ZBBX: variants seen among roughly 807,000 people sequenced by gnomAD.
The protein encoded by ZBBX is zinc finger B-box domain containing, also known as zinc finger B-box domain-containing protein 1.
A neutral mutation model predicts 108.5 loss-of-function variants in ZBBX; 101 were observed. The ratio of observed to expected loss-of-function variants is 0.93; its 90% CI spans 0.79 to 1.10. ZBBX has a LOEUF of 1.10. Ranked by LOEUF, ZBBX falls within the 50% of genes least tolerant of loss-of-function variation. The probability of loss-of-function intolerance (pLI) is 0.00; values close to 1 mark genes in which losing one functional copy is unlikely to be tolerated. For missense variants in ZBBX, 1,009 were observed against 941.4 expected, an observed-to-expected ratio of 1.07 and a Z score of -0.94; for synonymous variants, 356 against 323.4, an observed-to-expected ratio of 1.10 and a Z score of -1.08.
At chr3:167,243,445 C>T (rs1576754554) in intron 20 of ZBBX, among the ~76,000 whole-genome samples, 1 of 151,742 alleles carries the variant, frequency 6.6e-6, no homozygotes, top group East Asian at 1.9e-4. Flanking sequence ...GTTGCCTGGG[C>T]TGGAGTGCAA....
At chr3:167,228,673 G>A in the ZBBX span, among the ~76,000 whole-genome samples, 1 of 151,766 alleles carries the variant, frequency 6.6e-6, no homozygotes, top group Admixed American at 6.6e-5. Flanking sequence ...GTATTTATCT[G>A]TGTTGAATTC....
At chr3:167,224,310 T>C in the ZBBX span, among the ~76,000 whole-genome samples, 1 of 152,004 alleles carries the variant, frequency 6.6e-6, no homozygotes, top group Non-Finnish European at 1.5e-5. Flanking sequence ...ATAAACATGA[T>C]ATATATCATT....
At chr3:167,335,924 A>C (rs1232162448) in intron 9 of ZBBX, among the ~76,000 whole-genome samples, 2 of 151,954 alleles carry the variant, frequency 1.3e-5, no homozygotes, top group African/African-American at 4.8e-5. Flanking sequence ...AAAGAAATTC[A>C]AGTCAATGGT....
chr3:167,390,857 G>T (rs1212443625), intron 1 of ZBBX, among the ~76,000 whole-genome samples: 3 of 152,140 alleles, frequency 2.0e-5, no homozygotes, highest in Admixed American at 2.0e-4. Flanking sequence ...CTTTGCTGAA[G>T]TTGCTTATCA....
the ZBBX span, among the ~76,000 whole-genome samples, chr3:167,230,948 C>T: frequency 1.1e-4 from 17 of 151,602 alleles, no homozygotes; most frequent in African/African-American, 3.4e-4. Flanking sequence ...GTCAATATTT[C>T]GCATGTATTT....
the ZBBX span, among the ~76,000 whole-genome samples, chr3:167,223,838 T>C: frequency 6.6e-6 from 1 of 151,984 alleles, no homozygotes; most frequent in Non-Finnish European, 1.5e-5. Flanking sequence ...GATTCAATTT[T>C]TATGTCCTTA....
intron 20 of ZBBX, among the ~76,000 whole-genome samples, chr3:167,263,336 T>C (rs890295844): frequency 5.3e-5 from 8 of 152,192 alleles, no homozygotes; most frequent in African/African-American, 9.7e-5. Flanking sequence ...AGTTATTTTG[T>C]TTTTGTTTTT....
chr3:167,284,788 A>G (rs1576891124), intron 19 of ZBBX, among the ~76,000 whole-genome samples: 1 of 152,238 alleles, frequency 6.6e-6, no homozygotes, highest in South Asian at 2.1e-4. Context: ...AGAAACAGAC[A>G]GAAGAGGCCC....
the ZBBX span, among the ~76,000 whole-genome samples, chr3:167,187,634 T>C: frequency 1.3e-5 from 2 of 152,340 alleles, no homozygotes; most frequent in South Asian, 2.1e-4. Flanking sequence ...TTTGGAACAT[T>C]AGCTGTAAGT....
At chr3:167,331,178 A>AGGTATTTTGTTAT (rs1193583325) in intron 10 of ZBBX, among the ~76,000 whole-genome samples, 2 of 54,610 alleles carry the variant, frequency 3.7e-5, no homozygotes, top group African/African-American at 9.3e-5. Context: ...TGGCAGCCTG[A>AGGTATTTTGTTAT]GAAGGCTAAT....
rs531423950 is a variant in ZBBX at position 167,400,053 on chromosome 3, G to A, written c.-446+7673C>T. Among the ~76,000 whole-genome samples, 9 of 152,230 alleles carry A rather than the reference G, an allele frequency of 5.9e-5. No individual in the cohort carries two copies. The South Asian group carries it at 6.2e-4, about 11-fold the overall frequency. On this transcript the variant is annotated intron_variant, in intron 1 of 21. Transcript: ENST00000455345. ...GGAAATGATTTCATTCTTTATGGCCGCATAGTATTCCGTAGTGTATATGTA... is the reference window on the plus strand; with the variant it reads ...GGAAATGATTTCATTCTTTATGGCCACATAGTATTCCGTAGTGTATATGTA...
chr3:167,402,958 C>T (rs1461320506), intron 1 of ZBBX, among the ~76,000 whole-genome samples: 1 of 152,020 alleles, frequency 6.6e-6, no homozygotes, highest in African/African-American at 2.4e-5. Flanking sequence ...TTAAATCAAG[C>T]AGTCAAATAT....
At chr3:167,267,975 C>A (rs1725858766) in intron 20 of ZBBX, among the ~76,000 whole-genome samples, 1 of 151,952 alleles carries the variant, frequency 6.6e-6, no homozygotes, top group Admixed American at 6.6e-5. Context: ...AATCCTGATT[C>A]TTGGGAATCA....
intron 9 of ZBBX, among the ~76,000 whole-genome samples, chr3:167,344,982 AG>A (rs1381004228): frequency 1.3e-5 from 2 of 151,882 alleles, no homozygotes; most frequent in Non-Finnish European, 2.9e-5. Flanking sequence ...TAGGAGGAAA[AG>A]CTTTTGTTAA....
intron 9 of ZBBX, among the ~76,000 whole-genome samples, chr3:167,348,297 A>AG (rs1560162764): frequency 5.6e-4 from 71 of 127,362 alleles, no homozygotes; most frequent in Non-Finnish European, 9.1e-4. Context: ...GAAGGAAAGA[A>AG]GAAAGAGAGA....
At chr3:167,399,215 T>C (rs772564838) in intron 1 of ZBBX, among the ~76,000 whole-genome samples, 18 of 152,146 alleles carry the variant, frequency 1.2e-4, no homozygotes, top group Non-Finnish European at 2.4e-4. Context: ...AAATTTCTAA[T>C]ACCACACAAT....
intron 9 of ZBBX, among the ~76,000 whole-genome samples, chr3:167,338,096 T>G (rs1010597032): frequency 4.6e-5 from 7 of 152,158 alleles, no homozygotes; most frequent in Admixed American, 3.3e-4. Context: ...TATATCTCAC[T>G]CTAGGATAGA....
chr3:167,228,722 A>C, the ZBBX span, among the ~76,000 whole-genome samples: 1 of 151,806 alleles, frequency 6.6e-6, no homozygotes, highest in African/African-American at 2.4e-5. Context: ...AATATTTCTG[A>C]AACAGTTTAG....
At chr3:167,309,248 G>A (rs1030919450) in intron 16 of ZBBX, among the ~76,000 whole-genome samples, 2 of 152,164 alleles carry the variant, frequency 1.3e-5, no homozygotes, top group Non-Finnish European at 2.9e-5. Flanking sequence ...AAAACTTGCT[G>A]TCTAACACCA....
Sources: allele counts gnomAD v4.1 joint callset (sites outside exome capture counted in the v4.1 genomes callset), GRCh38; gene constraint gnomAD v4.1.1; transcripts MANE v1.5; gene names NCBI Gene and HGNC (gene_info 2026-07-23, HGNC 2026-07-21).